The following KIAA1217 variants were observed in gnomAD, a reference collection of about 807,000 sequenced individuals.
The protein encoded by KIAA1217 is sickle tail protein homolog.
KIAA1217 carries 88 observed loss-of-function variants against 163.9 expected under a neutral mutation model. That is an observed-to-expected ratio of 0.54 (90% CI 0.45 to 0.64). The LOEUF (loss-of-function observed/expected upper bound fraction) is 0.64. Among genes scored for constraint, KIAA1217 ranks in the 30% least tolerant of loss-of-function variants. The pLI is 0.00. For missense variants in KIAA1217, 2,372 were observed against 2,475.0 expected (o/e 0.96, Z 0.88); for synonymous variants, 903 against 923.1 (o/e 0.98, Z 0.39).
chr10:24,410,451 T>C (rs907864605), intron 3 of KIAA1217, among the ~76,000 whole-genome samples: 5 of 152,234 alleles, frequency 3.3e-5, no homozygotes, highest in Admixed American at 6.5e-5. Flanking sequence ...TCCATGTCTG[T>C]GGATTCCTGG....
chr10:24,385,437 G>A (rs187203726), intron 3 of KIAA1217, among the ~76,000 whole-genome samples: 1 of 152,282 alleles, frequency 6.6e-6, no homozygotes, highest in Admixed American at 6.5e-5. Flanking sequence ...GGTCTCCCTC[G>A]GGTGCTGTCC....
intron 5 of KIAA1217, among the ~76,000 whole-genome samples, chr10:24,450,040 G>A (rs1401368779): frequency 6.6e-6 from 1 of 152,056 alleles, no homozygotes; most frequent in Non-Finnish European, 1.5e-5. Flanking sequence ...CTTATAATTT[G>A]GAATGGGATT....
intron 1 of KIAA1217, among the ~76,000 whole-genome samples, chr10:23,956,442 A>G (rs1443631647): frequency 6.6e-6 from 1 of 152,102 alleles, no homozygotes; most frequent in Non-Finnish European, 1.5e-5. Flanking sequence ...ATCCTGTTCA[A>G]GGCAGTGGGC....
chr10:24,208,975 A>G, upstream of KIAA1217: 1 of 476,104 alleles, frequency 2.1e-6, no homozygotes, highest in Non-Finnish European at 3.8e-6. Context: ...CTAGGGACGG[A>G]GGGCCAGGGG....
chr10:23,872,595 G>GT (rs199968473), intron 1 of KIAA1217, among the ~76,000 whole-genome samples: 59 of 151,262 alleles, frequency 3.9e-4, no homozygotes, highest in East Asian at 1.6e-3. Flanking sequence ...AATTAATTGT[G>GT]TTTTTTTTTA....
At chr10:24,028,655 A>G (rs1338195042) in intron 2 of KIAA1217, among the ~76,000 whole-genome samples, 1 of 152,138 alleles carries the variant, frequency 6.6e-6, no homozygotes, top group African/African-American at 2.4e-5. Context: ...AGGGAAATGT[A>G]TTATTGCTTA....
chr10:24,207,894 G>T (rs1392893287), upstream of KIAA1217, among the ~76,000 whole-genome samples: 2 of 152,118 alleles, frequency 1.3e-5, no homozygotes, highest in African/African-American at 4.8e-5. Context: ...ACATAGGCTG[G>T]CCATTGTTCA....
chr10:24,314,867 C>G (rs2043153414), intron 2 of KIAA1217, among the ~76,000 whole-genome samples: 1 of 152,234 alleles, frequency 6.6e-6, no homozygotes, highest in East Asian at 1.9e-4. Context: ...TGGCGTGAAC[C>G]CAGGAGGCAG....
intron 2 of KIAA1217, among the ~76,000 whole-genome samples, chr10:24,192,348 T>C (rs1187259447): frequency 6.6e-6 from 1 of 152,168 alleles, no homozygotes; most frequent in African/African-American, 2.4e-5. Flanking sequence ...ATTAGGGTCT[T>C]GCCACCTGCT....
chr10:23,988,603 G>A (rs1846082321), intron 1 of KIAA1217, among the ~76,000 whole-genome samples: 1 of 152,152 alleles, frequency 6.6e-6, no homozygotes, highest in Non-Finnish European at 1.5e-5. Flanking sequence ...CAAACCATGT[G>A]AAGTACAAGA....
At chr10:24,448,127 T>A (rs1366542603) in intron 5 of KIAA1217, among the ~76,000 whole-genome samples, 1 of 151,240 alleles carries the variant, frequency 6.6e-6, no homozygotes, top group African/African-American at 2.4e-5. Flanking sequence ...AGTCTCCACC[T>A]CAAAAAAAAA....
chr10:24,481,347 T>C (rs1036619167), intron 6 of KIAA1217: 2 of 152,216 alleles, frequency 1.3e-5, no homozygotes, highest in East Asian at 1.9e-4. Context: ...ACCACAATCA[T>C]TGAATTTCAC....
At chr10:23,841,827 C>CTTTATTTTAT (rs376133012) in intron 1 of KIAA1217, among the ~76,000 whole-genome samples, 1,835 of 133,556 alleles carry the variant, frequency 0.014, 34 homozygotes, top group African/African-American at 0.039. Context: ...ACCATTGGGA[C>CTTTATTTTAT]TTTATTTTAT....
intron 2 of KIAA1217, among the ~76,000 whole-genome samples, chr10:24,171,206 T>G (rs1412444567): frequency 1.3e-5 from 2 of 152,330 alleles, no homozygotes; most frequent in East Asian, 3.9e-4. Context: ...GTGATGACAT[T>G]GTTATCATGA....
chr10:23,991,633 T>C (rs377142151), intron 1 of KIAA1217, among the ~76,000 whole-genome samples: 1 of 152,202 alleles, frequency 6.6e-6, no homozygotes, highest in East Asian at 1.9e-4. Flanking sequence ...ATAGATTCTA[T>C]ATCTAGATAT....
chr10:24,065,287 T>A (rs949950034), intron 2 of KIAA1217, among the ~76,000 whole-genome samples: 2 of 152,208 alleles, frequency 1.3e-5, no homozygotes, highest in Admixed American at 1.3e-4. Flanking sequence ...TTTAGTGCTA[T>A]AAATTTCCCT....
chr10:23,729,990 C>G (rs1373915877), intron 1 of KIAA1217, among the ~76,000 whole-genome samples: 2 of 152,122 alleles, frequency 1.3e-5, no homozygotes, highest in Admixed American at 6.5e-5. Context: ...CAAGCTCCGC[C>G]TCCCAGGTTC....
chr10:24,023,554 T>A (rs1847822993), intron 2 of KIAA1217, among the ~76,000 whole-genome samples: 1 of 151,650 alleles, frequency 6.6e-6, no homozygotes, highest in African/African-American at 2.4e-5. Flanking sequence ...ATATGCAATT[T>A]CTGTAGGGCC....
chr10:24,239,451 G>C (rs1378428843), intron 2 of KIAA1217: 1 of 266,686 alleles, frequency 3.7e-6, no homozygotes, highest in Admixed American at 6.6e-5. Flanking sequence ...AATAAGCCCA[G>C]CTTTCCCATA....
Sources: allele counts gnomAD v4.1 joint callset (sites outside exome capture counted in the v4.1 genomes callset), GRCh38; gene constraint gnomAD v4.1.1; transcripts MANE v1.5; gene names NCBI Gene and HGNC (gene_info 2026-07-23, HGNC 2026-07-21).